The following ELF1 variants were observed in gnomAD, a reference collection of about 807,000 sequenced individuals.
The protein encoded by ELF1 is ETS-related transcription factor Elf-1.
Under a neutral mutation model 59.9 loss-of-function variants are expected in ELF1, and 24 were observed. That is an observed-to-expected ratio of 0.40 (90% CI 0.29 to 0.56). ELF1 has a LOEUF of 0.56. Among genes scored for constraint, ELF1 ranks in the 20% least tolerant of loss-of-function variants. The probability of loss-of-function intolerance (pLI) is 0.44; values close to 1 mark genes in which losing one functional copy is unlikely to be tolerated. For synonymous variants in ELF1, 248 were observed against 266.2 expected, an observed-to-expected ratio of 0.93 and a Z score of 0.67; for missense variants, 627 against 742.2, an observed-to-expected ratio of 0.84 and a Z score of 1.80.
chr13:41,018,236 T>A (rs1460475744), intron 1 of ELF1, among the ~76,000 whole-genome samples: 1 of 152,222 alleles, frequency 6.6e-6, no homozygotes, highest in Non-Finnish European at 1.5e-5. Context: ...ACTGCACTCA[T>A]CTTTACAGAG....
intron 1 of ELF1, among the ~76,000 whole-genome samples, chr13:41,043,535 T>C (rs1431870458): frequency 6.6e-6 from 1 of 152,232 alleles, no homozygotes. Context: ...TAGCCAGTTT[T>C]CCCAGCACCA....
At chr13:40,969,374 C>T (rs1872383302) in intron 2 of ELF1, among the ~76,000 whole-genome samples, 1 of 152,134 alleles carries the variant, frequency 6.6e-6, no homozygotes, top group South Asian at 2.1e-4. Context: ...TGGCACTTTA[C>T]AGTTGTGTGT....
rs56791748 is a variant in ELF1 at position 41,012,312 on chromosome 13, C to CAA, written c.-229+6914_-229+6915dup. The stretch of plus-strand genomic sequence containing the variant: ...TGAGCGACAGAGCAAGACTCTGTCT[C>CAA]AAAAAAAAAAAAAAAAAAAAAAAAG... On this transcript the variant is annotated intron_variant, in intron 1 of 8. Coordinates refer to ENST00000239882, the MANE Select transcript of ELF1 (RefSeq NM_172373.4). Among the ~76,000 whole-genome samples the CAA allele has an allele frequency of 5.2e-3, 335 of 64,920 alleles. 6 individuals carry two copies. Among genetic ancestry groups the CAA allele is most frequent in the Middle Eastern group, 0.019 (2 of 106 alleles). The allele number at this position is 64,920 out of a possible 152,430, so 42.6% of individuals were successfully genotyped here.
intron 1 of ELF1, among the ~76,000 whole-genome samples, chr13:41,042,224 T>A (rs111318905): frequency 6.6e-6 from 1 of 152,046 alleles, no homozygotes; most frequent in African/African-American, 2.4e-5. Context: ...AGTTTCACTT[T>A]GCACAGTTTT....
chr13:40,943,716 T>C (rs1468312470), intron 6 of ELF1, 126 bp downstream of exon 6: 1 of 680,054 alleles, frequency 1.5e-6, no homozygotes, highest in African/African-American at 1.8e-5. Flanking sequence ...ATGTATCTAA[T>C]AAGCATGTGG....
At chr13:41,060,926 C>CGCCGCCACCGCCGCCGCG (rs1877564142) in exon 1 of ELF1, 1 of 358,468 alleles carries the variant, frequency 2.8e-6, no homozygotes, top group East Asian at 6.8e-5. Context: ...CCGCCGCCGC[C>CGCCGCCACCGCCGCCGCG]GCCGCCGCCG....
chr13:41,040,676 T>G (rs1259751311), intron 1 of ELF1, among the ~76,000 whole-genome samples: 2 of 152,152 alleles, frequency 1.3e-5, no homozygotes, highest in African/African-American at 4.8e-5. Flanking sequence ...GCTGCTGATC[T>G]GACAGGAGGT....
chr13:41,039,291 G>T (rs1482537167), intron 1 of ELF1, among the ~76,000 whole-genome samples: 1 of 142,808 alleles, frequency 7.0e-6, no homozygotes, highest in Non-Finnish European at 1.5e-5. Flanking sequence ...CCAAAGCTAA[G>T]GCTAGGAACA....
At chr13:40,955,948 C>T (rs866286662) in intron 3 of ELF1, among the ~76,000 whole-genome samples, 43 of 104,442 alleles carry the variant, frequency 4.1e-4, no homozygotes, top group South Asian at 6.5e-4. Flanking sequence ...GGGAGGGAGG[C>T]GGGGGGGTCA....
chr13:40,970,192 T>G (rs1236761425), intron 2 of ELF1, among the ~76,000 whole-genome samples: 2 of 152,192 alleles, frequency 1.3e-5, no homozygotes, highest in East Asian at 3.8e-4. Context: ...AATGAGGAAA[T>G]TAACGAACAG....
intron 2 of ELF1, among the ~76,000 whole-genome samples, chr13:40,974,168 G>T (rs1274644685): frequency 6.7e-6 from 1 of 149,110 alleles, no homozygotes; most frequent in Non-Finnish European, 1.5e-5. Context: ...GGATTATATG[G>T]TATGTGAATT....
rs1415719447 is a variant in ELF1, at chr13:40,993,235, C to T, written c.-228-10953G>A. ...GAGGCAGGAGCAGCTGCAACAACAG[C>T]ACCAACAAAAGCAACAGATGTTGTT... On this transcript the variant is annotated intron_variant, in intron 1 of 8. Coordinates refer to ENST00000239882, the MANE Select transcript of ELF1 (RefSeq NM_172373.4). 2.5e-6 allele frequency: 4 copies of T among 1,575,932 alleles called. No homozygotes were observed. The Admixed American group carries it at 6.7e-5, about 26-fold the overall frequency.
chr13:40,994,426 T>G (rs1217316086), intron 1 of ELF1, among the ~76,000 whole-genome samples: 1 of 152,146 alleles, frequency 6.6e-6, no homozygotes, highest in African/African-American at 2.4e-5. Flanking sequence ...GCAGATCACT[T>G]GAGGTCAGGA....
In ELF1 at chr13:40,933,686, A is replaced by G; in HGVS notation, c.1599T>C (p.Pro533=). ...AACTGCGAGGAGAAAAGGTCACCAC[A>G]GGTGCAGTAGCACTGAAGGATGGAG... ...ASSPSFSATA[P]VVTFSPRSSQ... is the part of the protein sequence containing the mutation. The change falls in exon 9 of 9, where the codon CCT becomes CCC. Residue 533 remains proline, a synonymous_variant. Coordinates refer to ENST00000239882, the MANE Select transcript of ELF1 (RefSeq NM_172373.4). 6.2e-7 allele frequency: 1 copy of G among 1,614,276 alleles called. No individual in the cohort carries two copies.
chr13:41,055,285 A>AT (rs1359034341), intron 1 of ELF1, among the ~76,000 whole-genome samples: 1 of 152,062 alleles, frequency 6.6e-6, no homozygotes, highest in East Asian at 1.9e-4. Flanking sequence ...TCGCAGCCTT[A>AT]TTTCCCATTC....
Position 40,948,877 on chromosome 13 carries a change from T to C in ELF1, c.529+929A>G, listed in dbSNP as rs367628204. Among the ~76,000 whole-genome samples the C allele has an allele frequency of 4.7e-3, 716 of 152,330 alleles. 2 individuals carry two copies. Among genetic ancestry groups the C allele is most frequent in the Non-Finnish European group, 7.5e-3 (513 of 68,038 alleles). ...CCCTGGGAAGGAAGCTGACTAGACCTTACCCAAGGACAAAAGGGTTTAGAT... is the reference window on the plus strand; with the variant it reads ...CCCTGGGAAGGAAGCTGACTAGACCCTACCCAAGGACAAAAGGGTTTAGAT... On this transcript the variant is annotated intron_variant, in intron 5 of 8. Transcript: ENST00000239882.
At position 40,933,467 on chromosome 13, in the gene ELF1, T is replaced by C. The variant is rs1428032264; in HGVS notation, c.1818A>G (p.Val606=). Residue 606 remains valine, a synonymous_variant, in exon 9 of 9, where the codon GTA becomes GTG. Coordinates refer to ENST00000239882, the MANE Select transcript of ELF1 (RefSeq NM_172373.4). ...VSSSNGFTSQ[V]AMKQNELLEP... Reference sequence around the variant, plus strand: ...CCAGCAGTTCGTTTTGTTTCATAGCTACCTGAGAAGTAAATCCATTGGAAC... The same window carrying C: ...CCAGCAGTTCGTTTTGTTTCATAGCCACCTGAGAAGTAAATCCATTGGAAC... 1.2e-6 allele frequency: 2 copies of C among 1,614,152 alleles called. No homozygotes were observed. Among genetic ancestry groups the C allele is most frequent in the Admixed American group, 1.7e-5 (1 of 60,018 alleles).
chr13:41,012,085 T>C (rs1041998529), intron 1 of ELF1, among the ~76,000 whole-genome samples: 1 of 151,928 alleles, frequency 6.6e-6, no homozygotes, highest in East Asian at 1.9e-4. Flanking sequence ...GGTAGGCGGA[T>C]CACTTCAGGT....
intron 5 of ELF1, among the ~76,000 whole-genome samples, chr13:40,946,398 C>T (rs908118473): frequency 1.3e-5 from 2 of 152,192 alleles, no homozygotes; most frequent in African/African-American, 4.8e-5. Flanking sequence ...CCTTACATCT[C>T]GCCCTTCCTC....
Sources: gnomAD v4.1 joint callset for allele counts (sites outside exome capture counted in the v4.1 genomes callset) on GRCh38, gnomAD v4.1.1 for gene constraint, MANE v1.5 for transcripts, NCBI Gene and HGNC (gene_info 2026-07-23, HGNC 2026-07-21) for gene names.